The following YEATS4 variants were observed in gnomAD, a reference collection of about 807,000 sequenced individuals.
The protein encoded by YEATS4 is YEATS domain containing 4.
In YEATS4, 17 loss-of-function variants were observed where a neutral mutation model predicts 30.1. That is an observed-to-expected ratio of 0.56 (90% CI 0.39 to 0.85). YEATS4 has a LOEUF of 0.85. Among genes scored for constraint, YEATS4 ranks in the 40% least tolerant of loss-of-function variants. The probability of loss-of-function intolerance (pLI) is 0.00; values close to 1 mark genes in which losing one functional copy is unlikely to be tolerated. For synonymous variants in YEATS4, 85 were observed against 87.5 expected (o/e 0.97, Z 0.16); for missense variants, 142 against 268.3 (o/e 0.53, Z 3.29).
chr12:69,426,693 T>A, the YEATS4 span, among the ~76,000 whole-genome samples: 1 of 152,164 alleles, frequency 6.6e-6, no homozygotes, highest in Admixed American at 6.5e-5. Flanking sequence ...TAAACATAGG[T>A]AACCAGGGAT....
At chr12:69,404,620 TC>T in the YEATS4 span, among the ~76,000 whole-genome samples, 1 of 152,212 alleles carries the variant, frequency 6.6e-6, no homozygotes. Context: ...CCCTGGGACT[TC>T]CCAGCCTCCA....
intron 4 of YEATS4, among the ~76,000 whole-genome samples, chr12:69,369,553 C>T (rs540956536): frequency 1.3e-5 from 2 of 152,200 alleles, no homozygotes. Flanking sequence ...GCTTGGAGCA[C>T]TGTAGGGCTC....
chr12:69,362,018 T>TG lies in YEATS4; in HGVS notation c.52-770_52-769insG, dbSNP rs1555174236. ...AAATTGTAGGGTGTTTGGTTGTTTT[T>TG]TTTTTTTTTTTTTTTTGGAGACAGA... On this transcript the variant is annotated intron_variant, in intron 1 of 6. Transcript: ENST00000247843. Among the ~76,000 whole-genome samples, 76 of 62,452 alleles carry TG rather than the reference T, an allele frequency of 1.2e-3. 3 individuals are homozygous for TG. Among genetic ancestry groups the TG allele is most frequent in the Non-Finnish European group, 1.6e-3 (39 of 25,090 alleles). The allele number at this position is 62,452 out of a possible 152,430, so 41.0% of individuals were successfully genotyped here.
the YEATS4 span, among the ~76,000 whole-genome samples, chr12:69,419,820 T>A: frequency 1.3e-5 from 2 of 152,144 alleles, no homozygotes; most frequent in Non-Finnish European, 2.9e-5. Flanking sequence ...AGTAAGACAT[T>A]TGAGAAAGGC....
intron 4 of YEATS4, among the ~76,000 whole-genome samples, chr12:69,368,693 TC>T (rs1229648130): frequency 1.3e-5 from 2 of 152,214 alleles, no homozygotes; most frequent in Non-Finnish European, 2.9e-5. Flanking sequence ...CCATGTTTTT[TC>T]CAAAGCCTTT....
chr12:69,380,460 T>C (rs892028407), intron 6 of YEATS4, among the ~76,000 whole-genome samples: 1 of 151,994 alleles, frequency 6.6e-6, no homozygotes, highest in African/African-American at 2.4e-5. Context: ...ACAAACGGAG[T>C]TTCTGTTTCT....
At chr12:69,383,253 G>C (rs1379080268) in intron 6 of YEATS4, among the ~76,000 whole-genome samples, 1 of 151,996 alleles carries the variant, frequency 6.6e-6, no homozygotes, top group Non-Finnish European at 1.5e-5. Context: ...AATACAACAA[G>C]ATTCTGTCTC....
chr12:69,403,983 C>G, the YEATS4 span, among the ~76,000 whole-genome samples: 5 of 152,010 alleles, frequency 3.3e-5, no homozygotes, highest in Non-Finnish European at 7.4e-5. Context: ...TTCTCAGTCT[C>G]TTTCAGCATT....
chr12:69,362,016 T>TTTTTTGTTTTTTG (rs1875235176), intron 1 of YEATS4, among the ~76,000 whole-genome samples: 1 of 111,256 alleles, frequency 9.0e-6, no homozygotes, highest in African/African-American at 3.3e-5. Context: ...TTTGGTTGTT[T>TTTTTTGTTTTTTG]TTTTTTTTTT....
intron 2 of YEATS4, among the ~76,000 whole-genome samples, chr12:69,363,790 G>C (rs755060297): frequency 5.9e-5 from 9 of 152,128 alleles, no homozygotes; most frequent in Non-Finnish European, 2.9e-5. Context: ...TAGCCAAAAA[G>C]TGGAAACAAT....
chr12:69,401,681 TTAAAAG>T, the YEATS4 span, among the ~76,000 whole-genome samples: 6 of 152,192 alleles, frequency 3.9e-5, no homozygotes, highest in African/African-American at 1.2e-4. Context: ...GAGCTGGAAA[TTAAAAG>T]TAAATTTGTA....
the YEATS4 span, among the ~76,000 whole-genome samples, chr12:69,403,001 G>A: frequency 6.6e-6 from 1 of 151,956 alleles, no homozygotes; most frequent in African/African-American, 2.4e-5. Flanking sequence ...GGGATTACAG[G>A]CGTGAGCCAC....
At chr12:69,362,013 G>GTTTTTTT (rs533225716) in intron 1 of YEATS4, among the ~76,000 whole-genome samples, 12 of 69,036 alleles carry the variant, frequency 1.7e-4, no homozygotes, top group African/African-American at 4.5e-4. Flanking sequence ...GTGTTTGGTT[G>GTTTTTTT]TTTTTTTTTT....
chr12:69,397,436 G>A, the YEATS4 span, among the ~76,000 whole-genome samples: 40 of 152,156 alleles, frequency 2.6e-4, no homozygotes, highest in South Asian at 1.9e-3. Flanking sequence ...GGGACCCAGT[G>A]GAGGTAGTTG....
chr12:69,390,341 T>C lies in YEATS4; in HGVS notation c.*25T>C. The C allele has an allele frequency of 6.6e-7, 1 of 1,524,866 alleles. No homozygotes were observed. Among genetic ancestry groups the C allele is most frequent in the South Asian group, 1.3e-5 (1 of 76,044 alleles). 94.5% of individuals were successfully genotyped at this position (1,524,866 alleles called of 1,614,324 possible). ...AACAGTTCTCATGAGAACTTGGTAGTAAGCTAAACTGAAAATAAGGTGGGC... is the reference window on the plus strand; with the variant it reads ...AACAGTTCTCATGAGAACTTGGTAGCAAGCTAAACTGAAAATAAGGTGGGC... On this transcript the variant is annotated 3_prime_UTR_variant, in exon 7 of 7. Coordinates refer to ENST00000247843, the MANE Select transcript of YEATS4 (RefSeq NM_006530.4).
At chr12:69,397,744 C>T in the YEATS4 span, among the ~76,000 whole-genome samples, 1 of 152,076 alleles carries the variant, frequency 6.6e-6, no homozygotes, top group Non-Finnish European at 1.5e-5. Flanking sequence ...GACTAAGACA[C>T]AGACACTCAC....
chr12:69,417,215 TG>T, the YEATS4 span, among the ~76,000 whole-genome samples: 3 of 141,762 alleles, frequency 2.1e-5, no homozygotes, highest in African/African-American at 5.3e-5. Context: ...TGGAGTGCAG[TG>T]GTATGATCAT....
chr12:69,370,640 A>G, intron 4 of YEATS4, 66 bp from the exon 5 acceptor site: 1 of 1,314,498 alleles, frequency 7.6e-7, no homozygotes, highest in Non-Finnish European at 1.0e-6. Context: ...TTCAGTTAAA[A>G]AAATGCCAGT....
the YEATS4 span, chr12:69,422,712 GC>G: frequency 6.7e-6 from 1 of 150,290 alleles, no homozygotes; most frequent in African/African-American, 2.5e-5. Flanking sequence ...GCCACACACA[GC>G]CTGTTCCCTG....
Sources: gnomAD v4.1 joint callset for allele counts (sites outside exome capture counted in the v4.1 genomes callset) on GRCh38, gnomAD v4.1.1 for gene constraint, MANE v1.5 for transcripts, NCBI Gene and HGNC (gene_info 2026-07-23, HGNC 2026-07-21) for gene names.